ADAMTSL1: variants seen among roughly 807,000 people sequenced by gnomAD.
ADAMTSL1 encodes the protein ADAMTS-like protein 1.
ADAMTSL1 carries 126 observed loss-of-function variants against 201.8 expected under a neutral mutation model. That is an observed-to-expected ratio of 0.62 (90% CI 0.54 to 0.72). ADAMTSL1 has a LOEUF of 0.72. ADAMTSL1 is among the 30% of genes least tolerant of loss of function. The pLI is 0.00. For synonymous variants in ADAMTSL1, 1,121 were observed against 903.4 expected (o/e 1.24, Z -4.32); for missense variants, 2,679 against 2,277.8 (o/e 1.18, Z -3.59).
intron 23 of ADAMTSL1, among the ~76,000 whole-genome samples, chr9:18,876,022 G>C (rs553988889): frequency 2.0e-4 from 31 of 152,158 alleles, no homozygotes; most frequent in African/African-American, 7.0e-4. Flanking sequence ...AACTGCTGTT[G>C]CTTTAAAGTC....
chr9:18,498,155 A>C (rs1822625293), intron 1 of ADAMTSL1, among the ~76,000 whole-genome samples: 1 of 152,120 alleles, frequency 6.6e-6, no homozygotes, highest in Non-Finnish European at 1.5e-5. Flanking sequence ...TACAGACATA[A>C]AACTTGGCTT....
At chr9:18,733,332 A>G (rs1818320582) in intron 15 of ADAMTSL1, among the ~76,000 whole-genome samples, 1 of 152,214 alleles carries the variant, frequency 6.6e-6, no homozygotes, top group Admixed American at 6.5e-5. Context: ...TGAGCATTTG[A>G]AAGACAGAGT....
At chr9:18,574,982 A>C (rs1348584354) in intron 4 of ADAMTSL1, among the ~76,000 whole-genome samples, 2 of 152,140 alleles carry the variant, frequency 1.3e-5, no homozygotes, top group Non-Finnish European at 2.9e-5. Flanking sequence ...TGGAGCAAGC[A>C]GTTGCTATTG....
intron 2 of ADAMTSL1, among the ~76,000 whole-genome samples, chr9:18,365,778 A>G (rs1836740487): frequency 6.6e-6 from 1 of 152,142 alleles, no homozygotes; most frequent in Non-Finnish European, 1.5e-5. Context: ...CCTGTTAGGA[A>G]CTGGGCCACA....
chr9:18,009,665 G>A (rs1428000422), intron 1 of ADAMTSL1, among the ~76,000 whole-genome samples: 7 of 152,030 alleles, frequency 4.6e-5, no homozygotes, highest in African/African-American at 1.7e-4. Flanking sequence ...TACAGAGAAG[G>A]AATTTTGGAT....
At chr9:18,469,035 A>C (rs1821108889) in intron 2 of ADAMTSL1, among the ~76,000 whole-genome samples, 1 of 152,200 alleles carries the variant, frequency 6.6e-6, no homozygotes, top group Non-Finnish European at 1.5e-5. Flanking sequence ...GATTGAGTAA[A>C]AGCAGGAGTC....
intron 28 of ADAMTSL1, 96 bp from the exon 29 acceptor site, chr9:18,908,346 G>A: frequency 9.3e-7 from 1 of 1,076,474 alleles, no homozygotes; most frequent in Non-Finnish European, 1.4e-6. Flanking sequence ...CCCAGTGGCT[G>A]AAACCCCCGG....
intron 20 of ADAMTSL1, among the ~76,000 whole-genome samples, chr9:18,815,570 T>C (rs1823786389): frequency 6.6e-6 from 1 of 150,598 alleles, no homozygotes; most frequent in Non-Finnish European, 1.5e-5. Flanking sequence ...TATCCAGGTG[T>C]GATGGTATAC....
chr9:18,031,886 A>G (rs1333476142), intron 1 of ADAMTSL1, among the ~76,000 whole-genome samples: 4 of 152,168 alleles, frequency 2.6e-5, no homozygotes, highest in African/African-American at 9.7e-5. Flanking sequence ...CTGATGATAC[A>G]GGGGTCAAAG....
intron 2 of ADAMTSL1, among the ~76,000 whole-genome samples, chr9:18,229,553 G>A (rs1207488243): frequency 6.6e-6 from 1 of 151,952 alleles, no homozygotes; most frequent in African/African-American, 2.4e-5. Context: ...TAAAATACGA[G>A]CTCAGTGACT....
intron 2 of ADAMTSL1, among the ~76,000 whole-genome samples, chr9:18,359,119 T>C (rs1836386276): frequency 6.6e-6 from 1 of 152,214 alleles, no homozygotes; most frequent in South Asian, 2.1e-4. Context: ...TATGCAATTA[T>C]ATAACATACA....
At chr9:18,112,148 A>G (rs1332529713) in intron 1 of ADAMTSL1, among the ~76,000 whole-genome samples, 1 of 152,128 alleles carries the variant, frequency 6.6e-6, no homozygotes, top group African/African-American at 2.4e-5. Context: ...GCTAAGTGCT[A>G]TGAATAGGAA....
intron 2 of ADAMTSL1, among the ~76,000 whole-genome samples, chr9:18,387,051 ATT>A (rs1837824213): frequency 6.6e-6 from 1 of 152,098 alleles, no homozygotes; most frequent in Non-Finnish European, 1.5e-5. Context: ...TTCACGAAAT[ATT>A]GTTAGGTGAA....
At chr9:18,729,741 G>A (rs1588000886) in intron 15 of ADAMTSL1, among the ~76,000 whole-genome samples, 1 of 152,162 alleles carries the variant, frequency 6.6e-6, no homozygotes, top group African/African-American at 2.4e-5. Context: ...CGGAGTTTGG[G>A]AATGGTCCTG....
chr9:18,707,989 G>T (rs971333466), intron 14 of ADAMTSL1, among the ~76,000 whole-genome samples: 1 of 152,202 alleles, frequency 6.6e-6, no homozygotes, highest in Admixed American at 6.5e-5. Context: ...ACTCCCAAGA[G>T]AAATTTTAAT....
At chr9:18,606,643 A>C (rs953644603) in intron 4 of ADAMTSL1, among the ~76,000 whole-genome samples, 2 of 152,166 alleles carry the variant, frequency 1.3e-5, no homozygotes, top group Non-Finnish European at 2.9e-5. Context: ...TGATATAGGC[A>C]GTTGCTTTGG....
chr9:18,200,612 C>T (rs1043976960), intron 2 of ADAMTSL1, among the ~76,000 whole-genome samples: 1 of 151,964 alleles, frequency 6.6e-6, no homozygotes, highest in Non-Finnish European at 1.5e-5. Context: ...TAATTGTTTA[C>T]TGAGGTAATA....
chr9:18,898,082 G>T (rs997487366), intron 26 of ADAMTSL1, among the ~76,000 whole-genome samples: 1 of 151,830 alleles, frequency 6.6e-6, no homozygotes, highest in Non-Finnish European at 1.5e-5. Flanking sequence ...CCAACTACTC[G>T]GGAGGCTGAG....
chr9:18,710,315 C>A (rs1832486451), intron 14 of ADAMTSL1, among the ~76,000 whole-genome samples: 3 of 152,228 alleles, frequency 2.0e-5, no homozygotes, highest in Admixed American at 2.0e-4. Context: ...CCAAGATACT[C>A]CTTAATTATG....
Sources: allele counts gnomAD v4.1 joint callset (sites outside exome capture counted in the v4.1 genomes callset), GRCh38; gene constraint gnomAD v4.1.1; transcripts MANE v1.5; gene names NCBI Gene and HGNC (gene_info 2026-07-23, HGNC 2026-07-21).